The following PUM3 variants were observed in gnomAD, a reference collection of about 807,000 sequenced individuals.
PUM3 encodes the protein pumilio homolog 3.
In PUM3, 91 loss-of-function variants were observed where a neutral mutation model predicts 84.0. The ratio of observed to expected loss-of-function variants is 1.08; its 90% CI spans 0.91 to 1.29. The LOEUF is 1.29. PUM3 is among the 50% of genes most tolerant of loss of function. PUM3 has a pLI of 0.00. For missense variants in PUM3, 1,067 were observed against 767.5 expected (o/e 1.39, Z -4.61); for synonymous variants, 321 against 266.7 (o/e 1.20, Z -1.98).
chr9:2,824,627 T>G, intron 11 of PUM3, 90 bp downstream of exon 11: 1 of 798,762 alleles, frequency 1.3e-6, no homozygotes, highest in East Asian at 3.3e-5. Context: ...CCAAAGGGGG[T>G]TAAAAGTCTA....
At chr9:2,815,440 A>G (rs73394639) in intron 13 of PUM3, among the ~76,000 whole-genome samples, 16,476 of 152,208 alleles carry the variant, frequency 0.11, 1,680 homozygotes, top group African/African-American at 0.27. Flanking sequence ...ACATGTATAA[A>G]TAGGTAAGAG....
In PUM3 at chr9:2,831,252, T is replaced by C; in HGVS notation, c.609A>G (p.Arg203=). 6.4e-7 allele frequency: 1 copy of C among 1,566,408 alleles called. No homozygotes were observed. The highest frequency in any genetic ancestry group is 8.8e-7 in the Non-Finnish European group (1 of 1,140,138). Residue 203 remains arginine (R), a splice_region_variant and synonymous_variant, in exon 6 of 18, where the codon CGA becomes CGG. Coordinates refer to ENST00000397885, the MANE Select transcript of PUM3 (RefSeq NM_014878.5). Reference sequence around the variant, plus strand: ...TAATCTTTAGTATGTAATAAATACCTCGCAATTCTTCAAAAGCCTGTTTTC... The same window carrying C: ...TAATCTTTAGTATGTAATAAATACCCCGCAATTCTTCAAAAGCCTGTTTTC... ...EQRKQAFEEL[R]DDLVELSKAK...
Position 2,827,118 on chromosome 9 carries a change from T to G in PUM3, c.990A>C (p.Lys330Asn). ...EAVIKHSLVH[K>N]VFLDFFTYAP... ...CATAGGTAAAAAAGTCCAAGAATACTTTATGCACCAATGAGTGCTTAATCA... is the reference window on the plus strand; with the variant it reads ...CATAGGTAAAAAAGTCCAAGAATACGTTATGCACCAATGAGTGCTTAATCA... The change falls in exon 10 of 18, where the codon AAA becomes AAC. Residue 330 changes from lysine (K) to asparagine (N), a missense_variant. Physicochemically the swap from Lys to Asn is moderately conservative, Grantham distance 94 (BLOSUM62 0). Coordinates refer to ENST00000397885, the MANE Select transcript of PUM3 (RefSeq NM_014878.5). 1.2e-6 allele frequency: 2 copies of G among 1,610,446 alleles called. No homozygotes were observed. The highest frequency in any genetic ancestry group is 1.1e-5 in the South Asian group (1 of 89,878).
At position 2,804,319 on chromosome 9, in the gene PUM3, A is replaced by C. The variant is rs1821217036; in HGVS notation, c.*12T>G. ...GAAAAAATCATTCCATCTTGCTCTT[A>C]ACTCTTTCCACCTATGTGCTCAGTT... On this transcript the variant is annotated 3_prime_UTR_variant, in exon 18 of 18. Coordinates refer to ENST00000397885, the MANE Select transcript of PUM3 (RefSeq NM_014878.5). 6.2e-7 allele frequency: 1 copy of C among 1,610,982 alleles called. No homozygotes were observed. The highest frequency in any genetic ancestry group is 8.5e-7 in the Non-Finnish European group (1 of 1,179,184).
chr9:2,823,672 A>C, intron 12 of PUM3, 109 bp downstream of exon 12: 1 of 504,210 alleles, frequency 2.0e-6, no homozygotes, highest in Non-Finnish European at 3.5e-6. Flanking sequence ...ATAATAAAAC[A>C]ATAATTTTCT....
In PUM3 at chr9:2,828,736, G is replaced by C. The variant is rs1260501693; in HGVS notation, c.895C>G (p.Pro299Ala). The C allele has an allele frequency of 1.9e-6, 3 of 1,609,016 alleles. No individual in the cohort carries two copies. Among genetic ancestry groups the C allele is most frequent in the Non-Finnish European group, 2.6e-6 (3 of 1,175,704 alleles). ...RTLDKVLEVQ[P>A]EKLELIMDEM... Reference sequence around the variant, plus strand: ...TCCATAATAAGTTCTAATTTTTCTGGCTGTACCTCTAACACTTTGTCCAGA... The same window carrying C: ...TCCATAATAAGTTCTAATTTTTCTGCCTGTACCTCTAACACTTTGTCCAGA... Residue 299 changes from proline (P) to alanine (A), a missense_variant, in exon 9 of 18, where the codon CCA becomes GCA. Pro to Ala is a conservative substitution (Grantham distance 27, BLOSUM62 -1). Coordinates refer to ENST00000397885, the MANE Select transcript of PUM3 (RefSeq NM_014878.5).
chr9:2,840,471 G>A (rs1242749923), intron 1 of PUM3, among the ~76,000 whole-genome samples: 1 of 152,130 alleles, frequency 6.6e-6, no homozygotes, highest in Non-Finnish European at 1.5e-5. Flanking sequence ...ATTTGTCGGT[G>A]GATATCGCCT....
At chr9:2,836,799 TTG>T (rs879746260) in intron 3 of PUM3, among the ~76,000 whole-genome samples, 8 of 151,892 alleles carry the variant, frequency 5.3e-5, no homozygotes, top group Admixed American at 4.6e-4. Context: ...CTGATTATTT[TTG>T]TGTGTGTGCG....
Position 2,832,927 on chromosome 9 carries a change from TTTAG to T in PUM3, c.516+426_516+429del, listed in dbSNP as rs1276463949. Reference sequence around the variant, plus strand: ...CTTTAGAATTCTGAAATGATTATATTTTAGTTAAAGATCTTCGCATGATGTTTAC... The same window carrying T: ...CTTTAGAATTCTGAAATGATTATATTTTAAAGATCTTCGCATGATGTTTAC... On this transcript the variant is annotated intron_variant, in intron 5 of 17. Coordinates refer to ENST00000397885, the MANE Select transcript of PUM3 (RefSeq NM_014878.5). 7.2e-5 allele frequency among the ~76,000 whole-genome samples: 11 copies of T among 152,210 alleles called. 1 individual carries two copies. The highest frequency in any genetic ancestry group is 3.9e-4 in the Admixed American group (6 of 15,274).
chr9:2,812,493 T>C (rs1170709447), intron 13 of PUM3, 131 bp from the exon 14 acceptor site: 4 of 641,066 alleles, frequency 6.2e-6, no homozygotes, highest in South Asian at 4.4e-5. Flanking sequence ...AAAATTATAG[T>C]ATATGTGCTG....
chr9:2,832,176 T>G lies in PUM3; in HGVS notation c.517-832A>C, dbSNP rs184459114. On this transcript the variant is annotated intron_variant, in intron 5 of 17. Transcript: ENST00000397885. ...CAAGATTTGTAAGACATCTCTTAAG[T>G]ATCTCTTAAAAAAATAAGGCTGTTT... Among the ~76,000 whole-genome samples the G allele has an allele frequency of 3.9e-3, 589 of 152,308 alleles. 5 individuals are homozygous for G. Among genetic ancestry groups the G allele is most frequent in the Non-Finnish European group, 6.5e-3 (443 of 68,016 alleles).
intron 12 of PUM3, among the ~76,000 whole-genome samples, chr9:2,821,488 A>C (rs2129827387): frequency 6.6e-6 from 1 of 151,588 alleles, no homozygotes; most frequent in South Asian, 2.1e-4. Context: ...GATCACACTA[A>C]AACAGAAGTA....
At chr9:2,815,326 A>G (rs890133431) in intron 13 of PUM3, among the ~76,000 whole-genome samples, 3 of 152,168 alleles carry the variant, frequency 2.0e-5, no homozygotes, top group African/African-American at 7.2e-5. Flanking sequence ...TCAAAAACAT[A>G]CACCTTTGAA....
intron 5 of PUM3, among the ~76,000 whole-genome samples, chr9:2,831,796 A>C (rs1367897537): frequency 6.6e-6 from 1 of 152,234 alleles, no homozygotes; most frequent in Non-Finnish European, 1.5e-5. Flanking sequence ...TCAATCTAAA[A>C]GTCTTCCTAA....
intron 12 of PUM3, among the ~76,000 whole-genome samples, chr9:2,820,669 G>C (rs1364703284): frequency 6.6e-6 from 1 of 151,902 alleles, no homozygotes; most frequent in Admixed American, 6.6e-5. Flanking sequence ...TCTTTAAAGT[G>C]ATCTCACAAA....
intron 12 of PUM3, among the ~76,000 whole-genome samples, chr9:2,823,562 A>C (rs1046595620): frequency 6.6e-6 from 1 of 152,156 alleles, no homozygotes; most frequent in African/African-American, 2.4e-5. Context: ...GAACTATCAC[A>C]ATACAATGTT....
At chr9:2,838,249 C>G (rs1182196801) in intron 2 of PUM3, among the ~76,000 whole-genome samples, 177 bp downstream of exon 2, 1 of 152,138 alleles carries the variant, frequency 6.6e-6, no homozygotes, top group African/African-American at 2.4e-5. Context: ...ATCATTCTTG[C>G]AATTTCTTAA....
intron 1 of PUM3, among the ~76,000 whole-genome samples, chr9:2,843,611 C>G (rs1340213840): frequency 7.8e-6 from 1 of 127,928 alleles, no homozygotes; most frequent in African/African-American, 3.0e-5. Context: ...CGGAGTCTTG[C>G]TCTGTCTCCC....
intron 9 of PUM3, among the ~76,000 whole-genome samples, chr9:2,827,685 G>C (rs372724388): frequency 7.3e-4 from 111 of 152,302 alleles, no homozygotes; most frequent in African/African-American, 2.6e-3. Flanking sequence ...GAGGCCGATG[G>C]TCAGGCATAA....
Sources: allele counts gnomAD v4.1 joint callset (sites outside exome capture counted in the v4.1 genomes callset), GRCh38; gene constraint gnomAD v4.1.1; transcripts MANE v1.5; gene names NCBI Gene and HGNC (gene_info 2026-07-23, HGNC 2026-07-21).